ZNF266: variants seen among roughly 807,000 people sequenced by gnomAD.
ZNF266 encodes the protein zinc finger protein 1.
A neutral mutation model predicts 16.4 loss-of-function variants in ZNF266; 16 were observed. The observed-to-expected ratio is 0.98, with a 90% CI of 0.66 to 1.48. The LOEUF (loss-of-function observed/expected upper bound fraction) is 1.48, where lower values mean the gene tolerates loss of function less well. ZNF266 is among the 40% of genes most tolerant of loss of function. ZNF266 has a pLI of 0.00. For missense variants in ZNF266, 738 were observed against 689.1 expected, an observed-to-expected ratio of 1.07 and a Z score of -0.79; for synonymous variants, 262 against 237.9, an observed-to-expected ratio of 1.10 and a Z score of -0.93.
At position 9,420,167 on chromosome 19, in the gene ZNF266, T is replaced by A. The variant is rs1599472011; in HGVS notation, c.-78A>T. The A allele has an allele frequency of 6.5e-6, 1 of 152,768 alleles. No individual in the cohort carries two copies. The highest frequency in any genetic ancestry group is 1.5e-5 in the Non-Finnish European group (1 of 68,048). 9.5% of individuals were successfully genotyped at this position (152,768 alleles called of 1,614,324 possible). A position where few individuals can be genotyped will look rare whatever the true frequency, so the allele number is the denominator to read the frequency against. ...GGATCACTCCAGGACAGCTTAGGAA[T>A]CTACACGGACAGAGGTAACCTCCAT... On this transcript the variant is annotated 5_prime_UTR_variant, in exon 6 of 11. Coordinates refer to ENST00000592904, the MANE Select transcript of ZNF266 (RefSeq NM_001370374.1).
At chr19:9,427,745 C>G (rs543859278) in intron 5 of ZNF266, among the ~76,000 whole-genome samples, 3 of 152,076 alleles carry the variant, frequency 2.0e-5, no homozygotes, top group Non-Finnish European at 4.4e-5. Context: ...TCATCACATA[C>G]GATCTTTGCA....
chr19:9,417,955 A>G, intron 8 of ZNF266, 47 bp from the exon 9 acceptor site: 1 of 1,563,260 alleles, frequency 6.4e-7, no homozygotes, highest in Non-Finnish European at 8.8e-7. Flanking sequence ...CATGCAAGAG[A>G]TGATAAATCT....
chr19:9,414,014 G>T lies in ZNF266; in HGVS notation c.1112C>A (p.Ala371Asp). 6.2e-7 allele frequency: 1 copy of T among 1,614,096 alleles called. No homozygotes were observed. The highest frequency in any genetic ancestry group is 8.5e-7 in the Non-Finnish European group (1 of 1,180,028). Reference sequence around the variant, plus strand: ...AGTAAGTTGAGAAGATCTAGTGAAGGCTATCCCACATTCCTTGCATTCATA... The same window carrying T: ...AGTAAGTTGAGAAGATCTAGTGAAGTCTATCCCACATTCCTTGCATTCATA... ...KPYECKECGI[A>D]FTRSSQLTEH... is the part of the protein sequence containing the mutation. The change falls in exon 11 of 11, where the codon GCC (alanine) becomes GAC (aspartate). Residue 371 changes from alanine to aspartate, a missense_variant. Physicochemically the swap from Ala to Asp is moderately radical, Grantham distance 126. Coordinates refer to ENST00000592904, the MANE Select transcript of ZNF266 (RefSeq NM_001370374.1).
In ZNF266 at chr19:9,417,920, GA is replaced by G. The variant is rs1568408221; in HGVS notation, c.236-13del. ...GAAGAGCTGATATCCTGTGCACAAA[GA>G]AAGATACATTACCAGAAGAGGCTCA... On this transcript the variant is annotated splice_polypyrimidine_tract_variant and intron_variant, in intron 8 of 10. Transcript: ENST00000592904. 1 of 1,613,132 alleles carries G rather than the reference GA, an allele frequency of 6.2e-7. No homozygotes were observed.
intron 5 of ZNF266, among the ~76,000 whole-genome samples, chr19:9,421,853 C>CT (rs772219502): frequency 3.3e-3 from 116 of 35,108 alleles, no homozygotes; most frequent in African/African-American, 0.016. Context: ...CAAAACCTTT[C>CT]TTTTTTTTTT....
intron 5 of ZNF266, among the ~76,000 whole-genome samples, chr19:9,433,203 G>C (rs1448545745): frequency 6.6e-6 from 1 of 152,164 alleles, no homozygotes; most frequent in African/African-American, 2.4e-5. Flanking sequence ...TTCCGTCATC[G>C]ATGTTATAAT....
chr19:9,415,054 G>A (rs1379814718), intron 10 of ZNF266, among the ~76,000 whole-genome samples: 1 of 152,160 alleles, frequency 6.6e-6, no homozygotes. Context: ...CAGTGCTTTG[G>A]GAGGCCAACG....
rs1785345348 is a variant in ZNF266, at chr19:9,414,688, A to G, written c.438T>C (p.Asp146=). The G allele has an allele frequency of 6.3e-7, 1 of 1,584,446 alleles. No individual in the cohort carries two copies. Among genetic ancestry groups the G allele is most frequent in the African/African-American group, 1.3e-5 (1 of 74,352 alleles). ...TGGAGACATCTCCACATTGCTTAAC[A>G]TCACTGACCTCCCCTCCGTTGTGGC... ...IGSHNGGEVS[D]VKQCGDVSSE... Residue 146 remains aspartate, a synonymous_variant, in exon 11 of 11, where the codon GAT becomes GAC. Transcript: ENST00000592904.
At chr19:9,418,154 CAA>C (rs2069344768) in intron 8 of ZNF266, among the ~76,000 whole-genome samples, 1 of 152,182 alleles carries the variant, frequency 6.6e-6, no homozygotes, top group South Asian at 2.1e-4. Flanking sequence ...TTAAGTGAAA[CAA>C]AGAGATCTTC....
chr19:9,427,866 G>C (rs941300835), intron 5 of ZNF266, among the ~76,000 whole-genome samples: 1 of 151,988 alleles, frequency 6.6e-6, no homozygotes, highest in Non-Finnish European at 1.5e-5. Flanking sequence ...AGTAATTCCA[G>C]TATCTTTTAG....
intron 10 of ZNF266, among the ~76,000 whole-genome samples, chr19:9,415,203 A>T (rs1487583058): frequency 1.3e-5 from 2 of 152,174 alleles, no homozygotes; most frequent in Non-Finnish European, 2.9e-5. Context: ...GGTGAGGCAC[A>T]AGAATCGCTT....
Position 9,413,048 on chromosome 19 carries a change from A to G in ZNF266, c.*227T>C, listed in dbSNP as rs10515. The G allele has an allele frequency of 0.59, 314,876 of 537,970 alleles. 94,461 individuals carry two copies. Among genetic ancestry groups the G allele is most frequent in the African/African-American group, 0.73 (38,358 of 52,518 alleles). The allele number at this position is 537,970 out of a possible 1,614,324, so 33.3% of individuals were successfully genotyped here. ...ATTCCCAGATTCTCTACATTCATAC[A>G]GTTTCTCTCCAGTGAGATTTCTGAT... On this transcript the variant is annotated 3_prime_UTR_variant, in exon 11 of 11. Transcript: ENST00000592904.
intron 9 of ZNF266, 112 bp from the exon 10 acceptor site, chr19:9,415,854 C>CAAG: frequency 7.2e-6 from 6 of 836,486 alleles, no homozygotes; most frequent in Non-Finnish European, 9.2e-6. Context: ...GACGGTGTCT[C>CAAG]ACTCTGTTGC....
chr19:9,413,726 C>G lies in ZNF266; in HGVS notation c.1400G>C (p.Arg467Thr). 6 of 1,613,900 alleles carry G rather than the reference C, an allele frequency of 3.7e-6. No homozygotes were observed. The highest frequency in any genetic ancestry group is 5.1e-6 in the Non-Finnish European group (6 of 1,179,954). Residue 467 changes from arginine (R) to threonine (T), a missense_variant, in exon 11 of 11, where the codon AGA becomes ACA. Transcript: ENST00000592904. ...AAAAGGCTTCTCTCCAGTGTGAGTT[C>G]TTGTATGTTCACTAAGGCGAGAGGA... The part of the protein sequence containing the change: ...ARSSRLSEHT[R>T]THTGEKPFEC...
intron 5 of ZNF266, among the ~76,000 whole-genome samples, chr19:9,426,822 AT>A (rs1469246417): frequency 6.6e-6 from 1 of 152,202 alleles, no homozygotes; most frequent in Non-Finnish European, 1.5e-5. Flanking sequence ...GGGTAACTAA[AT>A]ACAGGAGAAA....
intron 9 of ZNF266, among the ~76,000 whole-genome samples, chr19:9,416,358 GTTTTTT>G (rs891491420): frequency 8.5e-6 from 1 of 117,300 alleles, no homozygotes; most frequent in Non-Finnish European, 1.7e-5. Context: ...GCTTGTTTTT[GTTTTTT>G]GTTTTTTTTT....
chr19:9,428,213 C>T (rs753092304), intron 5 of ZNF266, among the ~76,000 whole-genome samples: 5 of 152,194 alleles, frequency 3.3e-5, no homozygotes, highest in Non-Finnish European at 5.9e-5. Flanking sequence ...CTGTGATCCT[C>T]CTATGCAGCT....
At chr19:9,428,389 G>A (rs998415687) in intron 5 of ZNF266, among the ~76,000 whole-genome samples, 7 of 152,344 alleles carry the variant, frequency 4.6e-5, no homozygotes, top group South Asian at 2.1e-4. Flanking sequence ...CCAGCGTGCT[G>A]AAGGTGGTCA....
Position 9,413,827 on chromosome 19 carries a change from G to C in ZNF266, c.1299C>G (p.Asp433Glu), listed in dbSNP as rs764831491. ...DCGKAFTQNS[D>E]LTKHARTHSG... ...TGTGAGTTCGTGCATGCTTAGTAAGGTCTGAGTTCTGAGTGAAGGCTTTCC... is the reference window on the plus strand; with the variant it reads ...TGTGAGTTCGTGCATGCTTAGTAAGCTCTGAGTTCTGAGTGAAGGCTTTCC... The change falls in exon 11 of 11, where the codon GAC becomes GAG. Residue 433 changes from aspartate (D) to glutamate (E), a missense_variant. Physicochemically the swap from Asp to Glu is conservative, Grantham distance 45. Transcript: ENST00000592904. The C allele has an allele frequency of 6.8e-6, 11 of 1,613,914 alleles. No homozygotes were observed. The Admixed American group carries it at 1.2e-4, about 17-fold the overall frequency.
Sources: gnomAD v4.1 joint callset for allele counts (sites outside exome capture counted in the v4.1 genomes callset) on GRCh38, gnomAD v4.1.1 for gene constraint, MANE v1.5 for transcripts, NCBI Gene and HGNC (gene_info 2026-07-23, HGNC 2026-07-21) for gene names.